The following SMARCA4 variants were observed in gnomAD, a reference collection of about 807,000 sequenced individuals.
SMARCA4 encodes SWI/SNF related BAF chromatin remodeling complex subunit ATPase 4.
In SMARCA4, 31 loss-of-function variants were observed where a neutral mutation model predicts 193.9. The ratio of observed to expected loss-of-function variants is 0.16; its 90% CI spans 0.12 to 0.22. The LOEUF (loss-of-function observed/expected upper bound fraction) is 0.22. Among genes scored for constraint, SMARCA4 ranks in the 10% least tolerant of loss-of-function variants. The probability of loss-of-function intolerance (pLI) is 1.00; values close to 1 mark genes in which losing one functional copy is unlikely to be tolerated. For missense variants in SMARCA4, 1,148 were observed against 2,296.0 expected (o/e 0.50, Z 10.22); for synonymous variants, 942 against 933.1 (o/e 1.01, Z -0.17).
chr19:11,007,429 CAAAA>C (rs1188457080), intron 13 of SMARCA4, among the ~76,000 whole-genome samples: 1 of 56,162 alleles, frequency 1.8e-5, no homozygotes, highest in Non-Finnish European at 3.7e-5. Flanking sequence ...CACTTCGTCT[CAAAA>C]AAAAAAAAAA....
At chr19:10,974,247 A>G (rs540135504) in intron 1 of SMARCA4, among the ~76,000 whole-genome samples, 1 of 152,260 alleles carries the variant, frequency 6.6e-6, no homozygotes, top group African/African-American at 2.4e-5. Flanking sequence ...GTGAAAGAAG[A>G]GACCAGACCT....
chr19:11,061,194 A>T (rs1397296641), intron 34 of SMARCA4, among the ~76,000 whole-genome samples: 13 of 64,936 alleles, frequency 2.0e-4, no homozygotes, highest in African/African-American at 6.7e-4. Flanking sequence ...TCTTTAAAAA[A>T]AAAAAAAAAA....
chr19:11,026,722 C>G (rs191016624), intron 23 of SMARCA4, among the ~76,000 whole-genome samples: 42 of 152,134 alleles, frequency 2.8e-4, no homozygotes, highest in Non-Finnish European at 5.0e-4. Context: ...TGATCTTGAA[C>G]TCCTGACCTC....
intron 1 of SMARCA4, among the ~76,000 whole-genome samples, chr19:10,970,989 G>C (rs916656992): frequency 6.6e-6 from 1 of 152,094 alleles, no homozygotes; most frequent in East Asian, 1.9e-4. Context: ...ACCTGAGGTC[G>C]GGAGTTTGAG....
At position 10,985,644 on chromosome 19, in the gene SMARCA4, A is replaced by G. The variant is rs1286650319; in HGVS notation, c.355+239A>G. Among the ~76,000 whole-genome samples, 1 of 152,164 alleles carries G rather than the reference A, an allele frequency of 6.6e-6. No homozygotes were observed. The highest frequency in any genetic ancestry group is 2.4e-5 in the African/African-American group (1 of 41,454). ...GGTTGGGGGGCAGACCATGTTCAGC[A>G]TGGGTGATAGAGGAGGGCTGTGCAG... On this transcript the variant is annotated intron_variant, in intron 3 of 34. Transcript: ENST00000344626. This position sits in a 1 kb window ranked among gnomAD's most constrained non-coding sequence, Gnocchi z 4.5.
At position 11,058,460 on chromosome 19, in the gene SMARCA4, A is replaced by C; in HGVS notation, c.4533+97A>C. 1.2e-6 allele frequency: 1 copy of C among 868,676 alleles called. No homozygotes were observed. Among genetic ancestry groups the C allele is most frequent in the Non-Finnish European group, 1.9e-6 (1 of 526,342 alleles). The allele number at this position is 868,676 out of a possible 1,614,324, so 53.8% of individuals were successfully genotyped here. ...AGAGCTGTGGTGTGTGGGCAGAATG[A>C]CCAGAAACCACCTAGGCGGTGCCTT... On this transcript the variant is annotated intron_variant, in intron 31 of 34. Transcript: ENST00000344626. The surrounding 1 kb of genome is among the most constrained non-coding windows in gnomAD (Gnocchi z 5.8).
intron 29 of SMARCA4, chr19:11,040,495 GGC>G (rs1203785080): frequency 7.1e-6 from 1 of 141,438 alleles, no homozygotes; most frequent in Non-Finnish European, 1.5e-5. Context: ...AGGAGGCTGA[GGC>G]AGGAGAGTTG....
chr19:10,988,783 G>C (rs758785328), intron 6 of SMARCA4, among the ~76,000 whole-genome samples: 4 of 152,084 alleles, frequency 2.6e-5, no homozygotes, highest in Non-Finnish European at 5.9e-5. Context: ...TGTTGTTCTT[G>C]TTTAGTGCTA....
In SMARCA4 at chr19:11,061,204, AATATATAT is replaced by A. The variant is rs55894159; in HGVS notation, c.4912-549_4912-542del. 3.0e-3 allele frequency among the ~76,000 whole-genome samples: 134 copies of A among 45,178 alleles called. 1 individual carries two copies. The highest frequency in any genetic ancestry group is 1.0e-2 in the East Asian group (16 of 1,606). 29.6% of individuals were successfully genotyped at this position (45,178 alleles called of 152,430 possible). On this transcript the variant is annotated intron_variant, in intron 34 of 34. Coordinates refer to ENST00000344626, the MANE Select transcript of SMARCA4 (RefSeq NM_003072.5). ...CCCTGTCTTTAAAAAAAAAAAAAAA[AATATATAT>A]ATATATATATATATATATATATATA... is the stretch of plus-strand genomic sequence containing the variant.
intron 13 of SMARCA4, among the ~76,000 whole-genome samples, chr19:11,005,099 G>T (rs2088066764): frequency 6.6e-6 from 1 of 152,196 alleles, no homozygotes; most frequent in South Asian, 2.1e-4. Flanking sequence ...GCCTCCCAAA[G>T]TGTTGGGATT....
intron 11 of SMARCA4, among the ~76,000 whole-genome samples, chr19:11,000,426 G>C (rs746131392): frequency 3.3e-5 from 5 of 152,032 alleles, no homozygotes; most frequent in Non-Finnish European, 5.9e-5. Context: ...TACTCGAGAG[G>C]CTGAGGTAGG....
In SMARCA4 at chr19:11,058,716, A is replaced by G; in HGVS notation, c.4534-72A>G. ...AGGAATCCTAGCCCGTGGGGTCTCC[A>G]GCACACAGCCAGGCCTGCGGGCAGG... On this transcript the variant is annotated intron_variant, in intron 31 of 34. Coordinates refer to ENST00000344626, the MANE Select transcript of SMARCA4 (RefSeq NM_003072.5). This position sits in a 1 kb window ranked among gnomAD's most constrained non-coding sequence, Gnocchi z 5.8. 1 of 1,322,026 alleles carries G rather than the reference A, an allele frequency of 7.6e-7. No homozygotes were observed. 81.9% of individuals were successfully genotyped at this position (1,322,026 alleles called of 1,614,324 possible).
At chr19:10,994,579 A>G (rs1486845772) in intron 8 of SMARCA4, among the ~76,000 whole-genome samples, 1 of 151,716 alleles carries the variant, frequency 6.6e-6, no homozygotes, top group African/African-American at 2.4e-5. Flanking sequence ...CAGCCTCCCA[A>G]AGTGCTGGGA....
In SMARCA4 at chr19:10,987,624, C is replaced by T. The variant is rs2145811192; in HGVS notation, c.860-42C>T. On this transcript the variant is annotated intron_variant, in intron 5 of 34. Transcript: ENST00000344626. The surrounding 1 kb of genome is among the most constrained non-coding windows in gnomAD (Gnocchi z 5.3). The stretch of plus-strand genomic sequence containing the variant: ...TTCCATTTCCAGCCCGGGATGGGCC[C>T]CAGAGCTCAACATGACGCCCTGGCC... The T allele has an allele frequency of 5.6e-6, 9 of 1,611,924 alleles. No homozygotes were observed. Among genetic ancestry groups the T allele is most frequent in the Non-Finnish European group, 6.8e-6 (8 of 1,178,998 alleles).
At chr19:10,974,850 G>T (rs1474816455) in intron 1 of SMARCA4, among the ~76,000 whole-genome samples, 1 of 148,084 alleles carries the variant, frequency 6.8e-6, no homozygotes, top group Non-Finnish European at 1.5e-5. Flanking sequence ...GTGATTACAG[G>T]TGCCCACCAC....
At chr19:11,024,248 A>G (rs1600299199) in intron 20 of SMARCA4, 83 bp from the exon 21 acceptor site, 1 of 910,422 alleles carries the variant, frequency 1.1e-6, no homozygotes, top group East Asian at 2.4e-5. Flanking sequence ...GACAGGGCCG[A>G]GGGGGTCAGA....
chr19:11,008,219 G>C, intron 14 of SMARCA4, 196 bp downstream of exon 14: 1 of 568,040 alleles, frequency 1.8e-6, no homozygotes, highest in Non-Finnish European at 3.3e-6. Flanking sequence ...AATTGCATTC[G>C]CATGGTTCAC....
Position 11,002,706 on chromosome 19 carries a change from T to C in SMARCA4, c.1813-323T>C, listed in dbSNP as rs538633910. Among the ~76,000 whole-genome samples, 6 of 149,636 alleles carry C rather than the reference T, an allele frequency of 4.0e-5. No homozygotes were observed. In the South Asian group the frequency reaches 8.4e-4, roughly 21 times the overall value. On this transcript the variant is annotated intron_variant, in intron 11 of 34. Transcript: ENST00000344626. ...GGTGTTGGGAGACTGAGGCAGAGAATTGCTTGAACCCAGGAGGCAGAGGTT... is the reference window on the plus strand; with the variant it reads ...GGTGTTGGGAGACTGAGGCAGAGAACTGCTTGAACCCAGGAGGCAGAGGTT...
intron 1 of SMARCA4, among the ~76,000 whole-genome samples, chr19:10,981,143 G>A (rs1035463148): frequency 2.0e-5 from 3 of 152,242 alleles, no homozygotes; most frequent in African/African-American, 7.2e-5. Flanking sequence ...TGAAGTATGT[G>A]GCAGTCCTGC....
Sources: gnomAD v4.1 joint callset for allele counts (sites outside exome capture counted in the v4.1 genomes callset) on GRCh38, gnomAD v4.1.1 for gene constraint, Gnocchi (gnomAD v3.1) non-coding constraint, MANE v1.5 for transcripts, NCBI Gene and HGNC (gene_info 2026-07-23, HGNC 2026-07-21) for gene names.